PCSK5: variants seen among roughly 807,000 people sequenced by gnomAD.
PCSK5 encodes prohormone convertase 5.
PCSK5 carries 129 observed loss-of-function variants against 233.2 expected under a neutral mutation model. The observed-to-expected ratio is 0.55, with a 90% CI of 0.48 to 0.64. PCSK5 has a LOEUF of 0.64. Among genes scored for constraint, PCSK5 ranks in the 30% least tolerant of loss-of-function variants. The probability of loss-of-function intolerance (pLI) is 0.00; values close to 1 mark genes in which losing one functional copy is unlikely to be tolerated. For missense variants in PCSK5, 2,076 were observed against 2,430.1 expected, an observed-to-expected ratio of 0.85 and a Z score of 3.06; for synonymous variants, 825 against 879.2, an observed-to-expected ratio of 0.94 and a Z score of 1.09.
chr9:76,049,482 G>A (rs1829546314), intron 5 of PCSK5, among the ~76,000 whole-genome samples: 2 of 152,206 alleles, frequency 1.3e-5, no homozygotes, highest in East Asian at 3.8e-4. Flanking sequence ...CAGTTGCGTG[G>A]TGTAGCTAAT....
chr9:76,344,598 G>A (rs1018214236), intron 35 of PCSK5, among the ~76,000 whole-genome samples: 6 of 152,186 alleles, frequency 3.9e-5, no homozygotes, highest in Admixed American at 1.3e-4. Flanking sequence ...GGGAGTGGTG[G>A]AAAGCTGATA....
intron 30 of PCSK5, among the ~76,000 whole-genome samples, chr9:76,317,999 C>T (rs1320885253): frequency 2.0e-5 from 3 of 152,132 alleles, no homozygotes; most frequent in South Asian, 4.1e-4. Context: ...TATTATGGCG[C>T]TAACTCACTA....
intron 1 of PCSK5, among the ~76,000 whole-genome samples, chr9:75,895,701 A>C (rs1430085769): frequency 6.6e-6 from 1 of 152,158 alleles, no homozygotes; most frequent in African/African-American, 2.4e-5. Context: ...AACCTGAAAA[A>C]TTTTGTTAAA....
Position 76,225,164 on chromosome 9 carries a change from G to A in PCSK5, c.2627-2339G>A, listed in dbSNP as rs972975778. 3.3e-5 allele frequency among the ~76,000 whole-genome samples: 5 copies of A among 152,280 alleles called. No individual in the cohort carries two copies. In the East Asian group the frequency reaches 9.6e-4, roughly 29 times the overall value. On this transcript the variant is annotated intron_variant, in intron 20 of 37. Transcript: ENST00000674117. ...CTGGTTTTTAATCTGGCCTGTCTGAGGAAGTAGAAGTCCCTTGGCTAGCAA... is the reference window on the plus strand; with the variant it reads ...CTGGTTTTTAATCTGGCCTGTCTGAAGAAGTAGAAGTCCCTTGGCTAGCAA...
At position 75,995,014 on chromosome 9, in the gene PCSK5, A is replaced by G. The variant is rs149257372; in HGVS notation, c.411+8769A>G. On this transcript the variant is annotated intron_variant, in intron 3 of 37. Transcript: ENST00000674117. ...GCCCATAGGCTTTATTTTTCTTCAT[A>G]GAACATACCAAATTCCTTCCCTTCA... Among the ~76,000 whole-genome samples the G allele has an allele frequency of 3.2e-3, 484 of 152,292 alleles. 2 individuals carry two copies. The highest frequency in any genetic ancestry group is 5.1e-3 in the Non-Finnish European group (346 of 68,028).
chr9:76,295,508 CTG>C, intron 26 of PCSK5, 97 bp downstream of exon 26: 1 of 1,128,600 alleles, frequency 8.9e-7, no homozygotes, highest in Non-Finnish European at 1.3e-6. Flanking sequence ...GTTTCAGAGT[CTG>C]TGCGTGTGGG....
At chr9:76,075,152 G>A (rs938669461) in intron 7 of PCSK5, among the ~76,000 whole-genome samples, 2 of 152,070 alleles carry the variant, frequency 1.3e-5, no homozygotes, top group South Asian at 2.1e-4. Flanking sequence ...CCCAGGGAGT[G>A]GAGGTTGCAG....
chr9:76,226,539 T>C (rs79087576), intron 20 of PCSK5, among the ~76,000 whole-genome samples: 3 of 152,110 alleles, frequency 2.0e-5, no homozygotes, highest in African/African-American at 7.2e-5. Flanking sequence ...GGATCTCAGA[T>C]TGACAGTGTT....
intron 20 of PCSK5, 124 bp downstream of exon 20, chr9:76,189,870 T>C (rs1824281968): frequency 1.7e-6 from 1 of 584,790 alleles, no homozygotes; most frequent in Non-Finnish European, 3.0e-6. Flanking sequence ...GCTCAATATT[T>C]TGGTGGCATT....
intron 24 of PCSK5, among the ~76,000 whole-genome samples, chr9:76,271,467 A>G (rs915648188): frequency 6.6e-6 from 1 of 152,236 alleles, no homozygotes; most frequent in Non-Finnish European, 1.5e-5. Context: ...TTTAAAGATC[A>G]AGGCAGGAAC....
Position 76,096,112 on chromosome 9 carries a change from A to C in PCSK5, c.1107+10A>C. The C allele has an allele frequency of 6.3e-7, 1 of 1,587,920 alleles. No homozygotes were observed. The highest frequency in any genetic ancestry group is 8.6e-7 in the Non-Finnish European group (1 of 1,156,586). On this transcript the variant is annotated intron_variant, in intron 8 of 37. Transcript: ENST00000674117. The stretch of plus-strand genomic sequence containing the variant: ...CTACGATAAGAAAATCGTACGTGAC[A>C]TGTGCATGCCCATCATGATCTGTTT...
chr9:76,071,642 C>T, intron 6 of PCSK5, 84 bp from the exon 7 acceptor site: 2 of 1,121,330 alleles, frequency 1.8e-6, no homozygotes, highest in African/African-American at 1.6e-5. Context: ...ATGTATTCTT[C>T]CCCCCGAGAA....
At chr9:76,099,343 G>A (rs554530928) in intron 8 of PCSK5, among the ~76,000 whole-genome samples, 2 of 152,212 alleles carry the variant, frequency 1.3e-5, no homozygotes, top group African/African-American at 4.8e-5. Flanking sequence ...ACCTACCTCA[G>A]AGATTTCCAT....
At chr9:75,972,060 G>T (rs1454778658) in intron 2 of PCSK5, among the ~76,000 whole-genome samples, 1 of 151,892 alleles carries the variant, frequency 6.6e-6, no homozygotes, top group African/African-American at 2.4e-5. Flanking sequence ...TTTGTATAAG[G>T]TATAAAGAAG....
At chr9:75,962,233 A>G (rs979954817) in intron 2 of PCSK5, among the ~76,000 whole-genome samples, 1 of 152,144 alleles carries the variant, frequency 6.6e-6, no homozygotes, top group Non-Finnish European at 1.5e-5. Flanking sequence ...TCAGAAGAGG[A>G]GGCCTTTGAT....
At chr9:76,188,198 G>A (rs1415116484) in intron 17 of PCSK5, among the ~76,000 whole-genome samples, 1 of 152,184 alleles carries the variant, frequency 6.6e-6, no homozygotes, top group Non-Finnish European at 1.5e-5. Context: ...TATGTAGTAA[G>A]TCTGGATATT....
upstream of PCSK5, among the ~76,000 whole-genome samples, chr9:75,890,000 C>T (rs528807100): frequency 2.0e-5 from 3 of 152,194 alleles, no homozygotes; most frequent in Non-Finnish European, 4.4e-5. Context: ...TTCCTTGGCC[C>T]AACATGTCCA....
rs574274110 is a variant in PCSK5 at position 76,321,815 on chromosome 9, T to G, written c.4102+176T>G. Among the ~76,000 whole-genome samples the G allele has an allele frequency of 5.7e-3, 861 of 152,306 alleles. 2 individuals are homozygous for G. The highest frequency in any genetic ancestry group is 9.6e-3 in the Non-Finnish European group (651 of 68,026). The stretch of plus-strand genomic sequence containing the variant: ...AGGGTGAGATACACCCTTTTCATTA[T>G]GGATGCTGCAAGTTAAGACAAGCAA... On this transcript the variant is annotated intron_variant, in intron 31 of 37. Transcript: ENST00000674117.
chr9:75,991,680 G>A (rs139197061), intron 3 of PCSK5, among the ~76,000 whole-genome samples: 92 of 152,182 alleles, frequency 6.0e-4, no homozygotes, highest in Middle Eastern at 3.4e-3. Flanking sequence ...ATTTGGCCAC[G>A]TCTTTGGAAA....
Sources: gnomAD v4.1 joint callset for allele counts (sites outside exome capture counted in the v4.1 genomes callset) on GRCh38, gnomAD v4.1.1 for gene constraint, MANE v1.5 for transcripts, NCBI Gene and HGNC (gene_info 2026-07-23, HGNC 2026-07-21) for gene names.